CACNA1F: variants seen among roughly 807,000 people sequenced by gnomAD.
CACNA1F encodes voltage-dependent L-type calcium channel subunit alpha-1F.
Under a neutral mutation model 143.8 loss-of-function variants are expected in CACNA1F, and 59 were observed. The ratio of observed to expected loss-of-function variants is 0.41; its 90% confidence interval spans 0.33 to 0.51. CACNA1F has a LOEUF of 0.51. Ranked by LOEUF, CACNA1F falls within the 20% of genes least tolerant of loss-of-function variation. The pLI, the probability that CACNA1F is intolerant of heterozygous loss-of-function variation, is 0.22. For missense variants in CACNA1F, 1,411 were observed against 1,647.5 expected (o/e 0.86, Z 2.48); for synonymous variants, 643 against 649.1 (o/e 0.99, Z 0.14).
At position 49,219,779 on chromosome X, in the gene CACNA1F, C is replaced by T; in HGVS notation, c.2398G>A (p.Glu800Lys). Residue 800 changes from glutamate to lysine, a missense_variant, in exon 20 of 48, where the codon GAG (glutamate) becomes AAG (lysine). Around this residue, in one of 3 missense-constraint regions of CACNA1F, gnomAD observed 950 missense variants for 1,128.1 expected, o/e 0.84. Coordinates refer to ENST00000323022, the MANE Select transcript of CACNA1F (RefSeq NM_001256789.3). ...ARREGADMEE[E>K]EEEEEEEEEE... is the part of the protein sequence containing the mutation. ...TCTTCCTCTTCTTCCTCCTCCTCCT[C>T]CTCCTCCATGTCTGGCACCAGAGAA... 1 of 1,101,554 alleles carries T rather than the reference C, an allele frequency of 9.1e-7. No homozygotes were observed. The highest frequency in any genetic ancestry group is 1.2e-6 in the Non-Finnish European group (1 of 811,545). 90.8% of individuals were successfully genotyped at this position (1,101,554 alleles called of 1,213,427 possible).
chrX:49,215,672 A>C (rs2065708166), intron 27 of CACNA1F, 129 bp from the exon 28 acceptor site: 1 of 465,569 alleles, frequency 2.1e-6, no homozygotes, highest in African/African-American at 2.5e-5. Context: ...AAGACCCCTA[A>C]ATCTCCTGAC....
chrX:49,209,972 C>CTTCTGT lies in CACNA1F; in HGVS notation c.4653_4658dup (p.Gln1552_Lys1553dup). Reference sequence around the variant, plus strand: ...GTGGGGGGATGACCTCATCTAGCAGCTTCTGTTTCATCCGCTTCCAGATCT... The same window carrying CTTCTGT: ...GTGGGGGGATGACCTCATCTAGCAGCTTCTGTTTCTGTTTCATCCGCTTCCAGATCT... On this transcript the variant is annotated inframe_insertion, in exon 40 of 48. Transcript: ENST00000323022. The CTTCTGT allele has an allele frequency of 8.3e-7, 1 of 1,209,630 alleles. No homozygotes were observed. Among genetic ancestry groups the CTTCTGT allele is most frequent in the Non-Finnish European group, 1.1e-6 (1 of 893,394 alleles).
chrX:49,210,103 C>T, intron 39 of CACNA1F, 61 bp from the exon 40 acceptor site: 1 of 861,682 alleles, frequency 1.2e-6, no homozygotes, highest in Non-Finnish European at 1.7e-6. Context: ...GCTGCCCCCT[C>T]ACTGTTGGGT....
rs782556088 is a variant in CACNA1F, at chrX:49,229,235, C to T, written c.818-788G>A. On this transcript the variant is annotated intron_variant, in intron 6 of 47. Transcript: ENST00000323022. ...GGTGCGATCCGATCTCAGCTCACTG[C>T]AACCTCCATCTCCCAGGCTCAAGTG... is the stretch of plus-strand genomic sequence containing the variant. 6.3e-5 allele frequency among the ~76,000 whole-genome samples: 7 copies of T among 111,364 alleles called. No homozygotes were observed. In the Admixed American group the frequency reaches 6.7e-4, roughly 11 times the overall value.
At chrX:49,212,944 C>G (rs1557106624) in intron 32 of CACNA1F, 30 bp downstream of exon 32, 1 of 1,195,050 alleles carries the variant, frequency 8.4e-7, no homozygotes, top group Non-Finnish European at 1.1e-6. Flanking sequence ...GGAAAAGAAG[C>G]AGAGAGTCCC....
At chrX:49,209,104 G>A (rs1244877268) in intron 42 of CACNA1F, 158 bp downstream of exon 42, 1 of 607,140 alleles carries the variant, frequency 1.6e-6, no homozygotes, top group Non-Finnish European at 2.6e-6. Flanking sequence ...TGGGATTATA[G>A]GCATGAGCCA....
intron 29 of CACNA1F, among the ~76,000 whole-genome samples, chrX:49,214,755 T>C (rs1204493881): frequency 8.9e-6 from 1 of 112,030 alleles, no homozygotes; most frequent in Non-Finnish European, 1.9e-5. Flanking sequence ...ATGAGGTAAT[T>C]ACCACAGTTC....
At chrX:49,209,110 A>G in intron 42 of CACNA1F, 152 bp downstream of exon 42, 1 of 636,277 alleles carries the variant, frequency 1.6e-6, no homozygotes, top group Non-Finnish European at 2.5e-6. Flanking sequence ...TATAGGCATG[A>G]GCCACCACTC....
In CACNA1F at chrX:49,212,954, C is replaced by T; in HGVS notation, c.3813+20G>A. On this transcript the variant is annotated intron_variant, in intron 32 of 47. Transcript: ENST00000323022. ...ACATGGGAAAAGAAGCAGAGAGTCC[C>T]TGTTATTAGGGTGGGCTACCTCGCC... is the stretch of plus-strand genomic sequence containing the variant. 1 of 1,200,620 alleles carries T rather than the reference C, an allele frequency of 8.3e-7. No homozygotes were observed. Among genetic ancestry groups the T allele is most frequent in the South Asian group, 1.8e-5 (1 of 55,560 alleles).
In CACNA1F at chrX:49,226,691, C is replaced by T; in HGVS notation, c.1288G>A (p.Ala430Thr). 1 of 1,177,123 alleles carries T rather than the reference C, an allele frequency of 8.5e-7. No individual in the cohort carries two copies. The highest frequency in any genetic ancestry group is 1.9e-5 in the South Asian group (1 of 53,182). Residue 430 changes from alanine (A) to threonine (T), a missense_variant, in exon 10 of 48, where the codon GCC (alanine) becomes ACC (threonine). Coordinates refer to ENST00000323022, the MANE Select transcript of CACNA1F (RefSeq NM_001256789.3). The part of the protein sequence containing the change: ...SADDNLGPQL[A>T]ELTNRRRGRL... ...CCACGCCTCCTATTGGTCAGCTCGG[C>T]CAGCTGTGGCCCTGCAGGGAGAGAA...
At chrX:49,227,319 ATC>A (rs2065836284) in intron 8 of CACNA1F, among the ~76,000 whole-genome samples, 192 bp from the exon 9 acceptor site, 1 of 110,303 alleles carries the variant, frequency 9.1e-6, no homozygotes, top group African/African-American at 3.3e-5. Context: ...CACCCACCTC[ATC>A]TCTTTTTTTT....
Position 49,223,016 on chromosome X carries a change from C to T in CACNA1F, c.1998G>A (p.Leu666=). ...IIIFSLLGMQ[L]FGGKFNFDQT... ...GGTCAAAGTTGAACTTGCCCCCAAA[C>T]AGCTGCATGCCAAGCAGGGAGAAGA... is the stretch of plus-strand genomic sequence containing the variant. Residue 666 remains leucine (L), a synonymous_variant, in exon 15 of 48, where the codon CTG becomes CTA. Coordinates refer to ENST00000323022, the MANE Select transcript of CACNA1F (RefSeq NM_001256789.3). 8.3e-7 allele frequency: 1 copy of T among 1,199,526 alleles called. No homozygotes were observed. Among genetic ancestry groups the T allele is most frequent in the East Asian group, 3.0e-5 (1 of 33,443 alleles).
At position 49,230,283 on chromosome X, in the gene CACNA1F, C is replaced by T. The variant is rs1602656090; in HGVS notation, c.754G>A (p.Ala252Thr). ...LLVLFVIIIY[A>T]IIGLELFLGR... is the part of the protein sequence containing the mutation. ...AGGAACAGCTCGAGCCCAATGATGG[C>T]ATAAATGATGATGACGAAGAGCACG... The change falls in exon 6 of 48, where the codon GCC (alanine) becomes ACC (threonine). Residue 252 changes from alanine to threonine, a missense_variant. Physicochemically the swap from Ala to Thr is moderately conservative, Grantham distance 58 (BLOSUM62 0). This residue lies in a region of CACNA1F where 950 missense variants were observed against 1,128.1 expected (regional missense o/e 0.84). Transcript: ENST00000323022. The T allele has an allele frequency of 1.7e-6, 2 of 1,206,968 alleles. No homozygotes were observed. Among genetic ancestry groups the T allele is most frequent in the Non-Finnish European group, 2.2e-6 (2 of 892,655 alleles).
Position 49,225,899 on chromosome X carries a change from G to A in CACNA1F, c.1651+10C>T. ...GGCTGGGGGAGACGACTAGCAGGCT[G>A]GGGGTGTACCCTGGATCTGGGTGAG... On this transcript the variant is annotated intron_variant, in intron 13 of 47. Coordinates refer to ENST00000323022, the MANE Select transcript of CACNA1F (RefSeq NM_001256789.3). 8.6e-7 allele frequency: 1 copy of A among 1,165,369 alleles called. No homozygotes were observed. Among genetic ancestry groups the A allele is most frequent in the Non-Finnish European group, 1.1e-6 (1 of 870,817 alleles).
intron 43 of CACNA1F, among the ~76,000 whole-genome samples, chrX:49,207,366 C>T (rs1030810180): frequency 8.9e-6 from 1 of 112,066 alleles, no homozygotes; most frequent in Non-Finnish European, 1.9e-5. Flanking sequence ...ACACCTTGAA[C>T]ACAAAACTGG....
At chrX:49,232,522 G>C (rs1468451090) in intron 1 of CACNA1F, among the ~76,000 whole-genome samples, 1 of 111,873 alleles carries the variant, frequency 8.9e-6, no homozygotes, top group African/African-American at 3.3e-5. Context: ...GTAGCTATGT[G>C]TTGCCTTGGG....
rs782383890 is a variant in CACNA1F at position 49,205,726 on chromosome X, G to T, written c.5560C>A (p.Leu1854Ile). The change falls in exon 47 of 48, where the codon CTC (leucine) becomes ATC (isoleucine). Residue 1854 changes from leucine (L) to isoleucine (I), a missense_variant. Physicochemically the swap from Leu to Ile is conservative, Grantham distance 5 (BLOSUM62 2). Transcript: ENST00000323022. Reference sequence around the variant, plus strand: ...CGCAGTGGGCCACTGGATCTGCCGAGGTACCCCTCCCCCGCTGCGCCCTCT... The same window carrying T: ...CGCAGTGGGCCACTGGATCTGCCGATGTACCCCTCCCCCGCTGCGCCCTCT... ...VEEGAAGEGY[L>I]GRSSGPLRTF... 28 of 1,203,275 alleles carry T rather than the reference G, an allele frequency of 2.3e-5. No individual in the cohort carries two copies. In the Admixed American group the frequency reaches 6.2e-4, roughly 27 times the overall value.
Position 49,231,351 on chromosome X carries a change from A to AC in CACNA1F, c.276-45dup, listed in dbSNP as rs782572370. Reference sequence around the variant, plus strand: ...AGGACCCTGGCAGAGTGGCATTGGAACCCCCCTACTCCCTTGGGAACCTCC... The same window carrying AC: ...AGGACCCTGGCAGAGTGGCATTGGAACCCCCCCTACTCCCTTGGGAACCTCC... On this transcript the variant is annotated intron_variant, in intron 2 of 47. Transcript: ENST00000323022. 1.1e-4 allele frequency: 107 copies of AC among 932,490 alleles called. No homozygotes were observed. The East Asian group carries it at 3.3e-3, about 29-fold the overall frequency. 76.8% of individuals were successfully genotyped at this position (932,490 alleles called of 1,213,427 possible). A position where few individuals can be genotyped will look rare whatever the true frequency, so the allele number is the denominator to read the frequency against.
rs373333883 is a variant in CACNA1F at position 49,211,892 on chromosome X, T to C, written c.4100+6A>G. 2.4e-5 allele frequency: 29 copies of C among 1,202,583 alleles called. No individual in the cohort carries two copies. Among genetic ancestry groups the C allele is most frequent in the East Asian group, 1.8e-4 (6 of 33,729 alleles). ...ATAAGGTGGCAGGGGAGTGAGTAGATGTCACCTGAACAGAAGCAGCACAGC... is the reference window on the plus strand; with the variant it reads ...ATAAGGTGGCAGGGGAGTGAGTAGACGTCACCTGAACAGAAGCAGCACAGC... On this transcript the variant is annotated splice_donor_region_variant and intron_variant, in intron 35 of 47. Coordinates refer to ENST00000323022, the MANE Select transcript of CACNA1F (RefSeq NM_001256789.3).
Sources: allele counts gnomAD v4.1 joint callset (sites outside exome capture counted in the v4.1 genomes callset), GRCh38; gene constraint gnomAD v4.1.1; regional missense constraint gnomAD v4.1.1; transcripts MANE v1.5; gene names NCBI Gene and HGNC (gene_info 2026-07-23, HGNC 2026-07-21).